The following C11orf65 variants were observed in gnomAD, a reference collection of about 807,000 sequenced individuals.
The protein encoded by C11orf65 is chromosome 11 open reading frame 65.
A neutral mutation model predicts 35.3 loss-of-function variants in C11orf65; 38 were observed. The observed-to-expected ratio is 1.08, with a 90% CI of 0.83 to 1.41. The LOEUF is 1.41. C11orf65 is among the 40% of genes most tolerant of loss of function. The pLI is 0.00. For missense variants in C11orf65, 370 were observed against 367.1 expected, an observed-to-expected ratio of 1.01 and a Z score of -0.06; for synonymous variants, 105 against 114.4, an observed-to-expected ratio of 0.92 and a Z score of 0.53.
chr11:108,424,826 C>G (rs2092876944), intron 3 of C11orf65, among the ~76,000 whole-genome samples: 1 of 152,214 alleles, frequency 6.6e-6, no homozygotes, highest in Non-Finnish European at 1.5e-5. Flanking sequence ...ACAGTGCAAT[C>G]AAATTAGAAC....
chr11:108,423,108 AG>A (rs562955373), intron 3 of C11orf65, among the ~76,000 whole-genome samples: 87 of 152,174 alleles, frequency 5.7e-4, no homozygotes, highest in Non-Finnish European at 1.0e-3. Context: ...GAGATTCCCT[AG>A]GTTGCCTATG....
At position 108,430,897 on chromosome 11, in the gene C11orf65, AACACACACACACACACACACAC is replaced by A. The variant is rs10588668; in HGVS notation, c.174+827_174+848del. 4.8e-3 allele frequency among the ~76,000 whole-genome samples: 692 copies of A among 143,908 alleles called. 2 individuals are homozygous for A. Among genetic ancestry groups the A allele is most frequent in the East Asian group, 9.1e-3 (44 of 4,810 alleles). The allele number at this position is 143,908 out of a possible 152,430, so 94.4% of individuals were successfully genotyped here. A position where few individuals can be genotyped will look rare whatever the true frequency, so the allele number is the denominator to read the frequency against. On this transcript the variant is annotated intron_variant, in intron 3 of 8. Coordinates refer to ENST00000393084, the MANE Select transcript of C11orf65 (RefSeq NM_152587.5). ...AAACCCAAAACCCATAAGGATAGGG[AACACACACACACACACACACAC>A]ACACACACACACACACACACACACA...
At chr11:108,362,216 C>T (rs565553430) in intron 2 of C11orf65, among the ~76,000 whole-genome samples, 1,765 of 147,198 alleles carry the variant, frequency 0.012, 41 homozygotes, top group African/African-American at 0.041. Flanking sequence ...CATCACTGGC[C>T]ATCAGAGAAA....
chr11:108,327,701 G>A (rs1131691162), downstream of C11orf65: 6 of 1,614,010 alleles, frequency 3.7e-6, no homozygotes, highest in Admixed American at 5.0e-5. Context: ...GTGGCAACTG[G>A]TTAGCAGAAA....
At chr11:108,416,733 A>T (rs1389311049) in intron 3 of C11orf65, among the ~76,000 whole-genome samples, 1 of 152,082 alleles carries the variant, frequency 6.6e-6, no homozygotes, top group African/African-American at 2.4e-5. Context: ...TTTTAGAATG[A>T]CCAAATTCAA....
intron 1 of C11orf65, among the ~76,000 whole-genome samples, chr11:108,465,883 G>A (rs931402740): frequency 6.6e-6 from 1 of 151,766 alleles, no homozygotes; most frequent in Non-Finnish European, 1.5e-5. Flanking sequence ...ACTCAGGAAG[G>A]CTGAGGCAGG....
rs1591357869 is a variant in C11orf65, at chr11:108,360,401, A to G, written c.227-25109T>C. Among the ~76,000 whole-genome samples, 3 of 147,298 alleles carry G rather than the reference A, an allele frequency of 2.0e-5. No homozygotes were observed. The South Asian group carries it at 6.7e-4, about 33-fold the overall frequency. On this transcript the variant is annotated intron_variant, in intron 2 of 3. Coordinates refer to the C11orf65 transcript ENST00000524755. ...AACTGGTACCATTCCTTCTGAAACT[A>G]TTCCAATCAATAGAAAAAGAGGGAA... is the stretch of plus-strand genomic sequence containing the variant.
intron 6 of C11orf65, 146 bp downstream of exon 6, chr11:108,405,283 C>G (rs997140190): frequency 1.4e-6 from 1 of 706,878 alleles, no homozygotes; most frequent in African/African-American, 1.8e-5. Context: ...TGTCAGTGTG[C>G]GTTTTATTCA....
chr11:108,422,575 GT>G (rs2092835167), intron 3 of C11orf65, among the ~76,000 whole-genome samples: 1 of 152,142 alleles, frequency 6.6e-6, no homozygotes, highest in African/African-American at 2.4e-5. Context: ...TTGGATATCT[GT>G]AGGGAAGAAT....
chr11:108,369,269 A>G (rs1307827142), intron 2 of C11orf65, among the ~76,000 whole-genome samples: 2 of 152,260 alleles, frequency 1.3e-5, no homozygotes, highest in African/African-American at 2.4e-5. Context: ...CGGGGAGCCT[A>G]TTGCACAACC....
Position 108,431,774 on chromosome 11 carries a change from T to G in C11orf65, c.146A>C (p.Gln49Pro), listed in dbSNP as rs2092993593. The G allele has an allele frequency of 2.0e-6, 3 of 1,518,648 alleles. No homozygotes were observed. Among genetic ancestry groups the G allele is most frequent in the Non-Finnish European group, 2.7e-6 (3 of 1,116,682 alleles). The allele number at this position is 1,518,648 out of a possible 1,614,324, so 94.1% of individuals were successfully genotyped here. The change falls in exon 3 of 9, where the codon CAG becomes CCG. Residue 49 changes from glutamine (Q) to proline (P), a missense_variant. Coordinates refer to ENST00000393084, the MANE Select transcript of C11orf65 (RefSeq NM_152587.5). ...IDLRRQGEPR[Q>P]IVKYINPKEA... ...TTTGGGATTAATATATTTCACTATCTGACGTGGTTCTCCTTGTCTTCTTAA... is the reference window on the plus strand; with the variant it reads ...TTTGGGATTAATATATTTCACTATCGGACGTGGTTCTCCTTGTCTTCTTAA...
chr11:108,447,661 A>T (rs1335132613), intron 2 of C11orf65, among the ~76,000 whole-genome samples: 1 of 152,126 alleles, frequency 6.6e-6, no homozygotes, highest in Admixed American at 6.6e-5. Flanking sequence ...TTATAGCACT[A>T]AATGCCCACA....
rs755656958 is a variant in C11orf65, at chr11:108,325,350, T to G, written c.641-16279A>C. On this transcript the variant is annotated intron_variant, in intron 6 of 6. Coordinates refer to the C11orf65 transcript ENST00000525729. ...ACAACTCTCTGAAGTATATATTAAG[T>G]GGCAGAAACACTCCCAGCTTCTCAA... 2 of 1,612,734 alleles carry G rather than the reference T, an allele frequency of 1.2e-6. No individual in the cohort carries two copies. The highest frequency in any genetic ancestry group is 1.7e-6 in the Non-Finnish European group (2 of 1,179,628).
intron 3 of C11orf65, chr11:108,331,643 C>CT: frequency 7.0e-7 from 1 of 1,419,874 alleles, no homozygotes. Flanking sequence ...ACCATTCCCT[C>CT]TAAGAAATGG....
intron 2 of C11orf65, among the ~76,000 whole-genome samples, chr11:108,447,330 A>AT (rs997340797): frequency 1.1e-4 from 16 of 151,218 alleles, no homozygotes; most frequent in East Asian, 1.9e-4. Context: ...CAGAATATAC[A>AT]TTTTTTTTTA....
intron 3 of C11orf65, among the ~76,000 whole-genome samples, chr11:108,334,417 A>G (rs916425485): frequency 2.0e-5 from 3 of 152,246 alleles, no homozygotes; most frequent in African/African-American, 7.2e-5. Context: ...TATGCATGAT[A>G]CACTTAGCTC....
At chr11:108,469,291 C>G (rs2093563521), upstream of C11orf65, among the ~76,000 whole-genome samples, 1 of 150,556 alleles carries the variant, frequency 6.6e-6, no homozygotes, top group African/African-American at 2.4e-5. Context: ...ACAATTGAAA[C>G]TAGTTAGAAG....
chr11:108,449,540 A>G (rs897001296), intron 2 of C11orf65, among the ~76,000 whole-genome samples: 3 of 152,030 alleles, frequency 2.0e-5, no homozygotes, highest in Admixed American at 2.0e-4. Flanking sequence ...TGGGGAAAGG[A>G]TTCCCTATTT....
intron 2 of C11orf65, among the ~76,000 whole-genome samples, chr11:108,434,091 G>A (rs1185311239): frequency 6.6e-6 from 1 of 152,182 alleles, no homozygotes; most frequent in African/African-American, 2.4e-5. Context: ...TCTCAACAGA[G>A]AAGAATCTTA....
Sources: gnomAD v4.1 joint callset for allele counts (sites outside exome capture counted in the v4.1 genomes callset) on GRCh38, gnomAD v4.1.1 for gene constraint, MANE v1.5 for transcripts, NCBI Gene and HGNC (gene_info 2026-07-23, HGNC 2026-07-21) for gene names.